AMIGO3: variants seen among roughly 807,000 people sequenced by gnomAD.
AMIGO3 encodes the protein adhesion molecule with Ig like domain 3.
In AMIGO3, 6 loss-of-function variants were observed where a neutral mutation model predicts 4.3. The ratio of observed to expected loss-of-function variants is 1.39; its 90% CI spans 0.76 to 2.75. The LOEUF (loss-of-function observed/expected upper bound fraction) is 2.75, where lower values mean the gene tolerates loss of function less well. AMIGO3 is among the 30% of genes most tolerant of loss of function. AMIGO3 has a pLI of 0.00. For synonymous variants in AMIGO3, 315 were observed against 320.0 expected (o/e 0.98, Z 0.17); for missense variants, 771 against 692.1 (o/e 1.11, Z -1.28).
Position 49,719,255 on chromosome 3 carries a change from T to C in AMIGO3, c.211A>G (p.Asn71Asp), listed in dbSNP as rs2080330773. The C allele has an allele frequency of 6.2e-7, 1 of 1,613,134 alleles. No homozygotes were observed. The highest frequency in any genetic ancestry group is 1.1e-5 in the South Asian group (1 of 91,066). The change falls in exon 1 of 1, where the codon AAC becomes GAC. Residue 71 changes from asparagine to aspartate, a missense_variant. By Grantham distance (23) the Asn-to-Asp change is conservative. Coordinates refer to ENST00000320431, the MANE Select transcript of AMIGO3 (RefSeq NM_198722.3). ...CCGGGGCGCAGGCGCTGGAGCGCGTTGTGGCTCAGGTCGAGGTCCGCAGTA... is the reference window on the plus strand; with the variant it reads ...CCGGGGCGCAGGCGCTGGAGCGCGTCGTGGCTCAGGTCGAGGTCCGCAGTA... ...AATADLDLSH[N>D]ALQRLRPGWL...
rs1214903324 is a variant in AMIGO3, at chr3:49,718,582, G to C, written c.884C>G (p.Ser295Cys). ...GCTGGTGTTGCAGTAAAGCCTCAGG[G>C]ACCGACCCACCAGCGCGTACAGGTG... ...EEHLYALVGRSLRLYCNTSVP... is the reference protein window; with the variant it reads ...EEHLYALVGRCLRLYCNTSVP... The change falls in exon 1 of 1, where the codon TCC becomes TGC. Residue 295 changes from serine (S) to cysteine (C), a missense_variant. Coordinates refer to ENST00000320431, the MANE Select transcript of AMIGO3 (RefSeq NM_198722.3). 8.1e-6 allele frequency: 13 copies of C among 1,613,080 alleles called. No homozygotes were observed. Among genetic ancestry groups the C allele is most frequent in the Non-Finnish European group, 1.1e-5 (13 of 1,179,966 alleles).
Position 49,717,662 on chromosome 3 carries a change from ACAGGG to A in AMIGO3, c.*284_*288del. 3 of 514,252 alleles carry A rather than the reference ACAGGG, an allele frequency of 5.8e-6. No individual in the cohort carries two copies. The highest frequency in any genetic ancestry group is 1.0e-5 in the Non-Finnish European group (3 of 286,102). The allele number at this position is 514,252 out of a possible 1,614,324, so 31.9% of individuals were successfully genotyped here. On this transcript the variant is annotated 3_prime_UTR_variant, in exon 1 of 1. Transcript: ENST00000320431. The stretch of plus-strand genomic sequence containing the variant: ...ACAGGGGCCTGGGTCTCTCAGCCTC[ACAGGG>A]CATTTGGGCACTAGGAAGTCCGCGG...
chr3:49,717,945 G>A lies in AMIGO3; in HGVS notation c.*6C>T, dbSNP rs772371913. 5.0e-6 allele frequency: 8 copies of A among 1,608,760 alleles called. No individual in the cohort carries two copies. The South Asian group carries it at 6.6e-5, about 13-fold the overall frequency. On this transcript the variant is annotated 3_prime_UTR_variant, in exon 1 of 1. Coordinates refer to ENST00000320431, the MANE Select transcript of AMIGO3 (RefSeq NM_198722.3). ...TGGGGGCCTGGGTGGGGGAGCCCTGGGCAGTCTAGGTTGTCATGGGACCCT... is the reference window on the plus strand; with the variant it reads ...TGGGGGCCTGGGTGGGGGAGCCCTGAGCAGTCTAGGTTGTCATGGGACCCT...
rs1434633894 is a variant in AMIGO3, at chr3:49,717,789, T to C, written c.*162A>G. 1.3e-5 allele frequency: 10 copies of C among 773,554 alleles called. No individual in the cohort carries two copies. In the East Asian group the frequency reaches 1.9e-4, roughly 14 times the overall value. 47.9% of individuals were successfully genotyped at this position (773,554 alleles called of 1,614,324 possible). Reference sequence around the variant, plus strand: ...GGTTGGGGACCACAACCCCTGTCTCTACCAGTGAGCGAGAAGGCCCATTGT... The same window carrying C: ...GGTTGGGGACCACAACCCCTGTCTCCACCAGTGAGCGAGAAGGCCCATTGT... On this transcript the variant is annotated 3_prime_UTR_variant, in exon 1 of 1. Transcript: ENST00000320431.
rs1202211633 is a variant in AMIGO3 at position 49,718,092 on chromosome 3, C to T, written c.1374G>A (p.Glu458=). ...ASVHKHVVFL[E]PGRRGLNGRV... is the part of the protein sequence containing the mutation. ...GGCCATTGAGGCCCCTCCGGCCTGG[C>T]TCCAGAAAGACTACGTGCTTGTGGA... Residue 458 remains glutamate, a synonymous_variant, in exon 1 of 1, where the codon GAG becomes GAA. Coordinates refer to ENST00000320431, the MANE Select transcript of AMIGO3 (RefSeq NM_198722.3). 1 of 1,613,508 alleles carries T rather than the reference C, an allele frequency of 6.2e-7. No homozygotes were observed. The highest frequency in any genetic ancestry group is 8.5e-7 in the Non-Finnish European group (1 of 1,180,060).
chr3:49,718,718 C>T lies in AMIGO3; in HGVS notation c.748G>A (p.Val250Ile). 6.2e-7 allele frequency: 1 copy of T among 1,612,946 alleles called. No homozygotes were observed. The highest frequency in any genetic ancestry group is 8.5e-7 in the Non-Finnish European group (1 of 1,179,928). Residue 250 changes from valine to isoleucine, a missense_variant, in exon 1 of 1, where the codon GTA becomes ATA. Val to Ile is a conservative substitution (Grantham distance 29). Coordinates refer to ENST00000320431, the MANE Select transcript of AMIGO3 (RefSeq NM_198722.3). ...SAVRDFAREYVCLAFKVPASR... is the reference protein window; with the variant it reads ...SAVRDFAREYICLAFKVPASR... ...GCGGGTACCTTGAAGGCCAAGCATA[C>T]GTACTCGCGCGCAAAGTCGCGCACG...
At position 49,717,158 on chromosome 3, in the gene AMIGO3, C is replaced by T. The variant is rs1313286274; in HGVS notation, c.*793G>A. 6.5e-6 allele frequency: 1 copy of T among 153,304 alleles called. No homozygotes were observed. The highest frequency in any genetic ancestry group is 1.5e-5 in the Non-Finnish European group (1 of 68,870). 9.5% of individuals were successfully genotyped at this position (153,304 alleles called of 1,614,324 possible). ...AAAAGCAGGGGTGCAGGCCATGATC[C>T]CCTTCACTGTGTCTTGTGAGCCCAC... On this transcript the variant is annotated 3_prime_UTR_variant, in exon 1 of 1. Coordinates refer to ENST00000320431, the MANE Select transcript of AMIGO3 (RefSeq NM_198722.3).
rs2080277808 is a variant in AMIGO3, at chr3:49,717,823, G to T, written c.*128C>A. Reference sequence around the variant, plus strand: ...GCGAGAAGGCCCATTGTGTTTCGAGGCCCATACAGGAAGCTGGGGGGCCAG... The same window carrying T: ...GCGAGAAGGCCCATTGTGTTTCGAGTCCCATACAGGAAGCTGGGGGGCCAG... On this transcript the variant is annotated 3_prime_UTR_variant, in exon 1 of 1. Transcript: ENST00000320431. 9.9e-7 allele frequency: 1 copy of T among 1,012,796 alleles called. No homozygotes were observed. The highest frequency in any genetic ancestry group is 1.4e-6 in the Non-Finnish European group (1 of 700,250). 62.7% of individuals were successfully genotyped at this position (1,012,796 alleles called of 1,614,324 possible).
Position 49,718,354 on chromosome 3 carries a change from A to G in AMIGO3, c.1112T>C (p.Val371Ala), listed in dbSNP as rs753941544. 24 of 1,613,386 alleles carry G rather than the reference A, an allele frequency of 1.5e-5. No homozygotes were observed. In the South Asian group the frequency reaches 2.4e-4, roughly 16 times the overall value. ...CTCGGGCTCTGGGCGCGGAAAGTGC[A>G]CGCTCACGTTGTACTCGTGCGTCTG... Reference protein sequence around the residue: ...HNQTHEYNVSVHFPRPEPEAF... With the variant: ...HNQTHEYNVSAHFPRPEPEAF... Residue 371 changes from valine (V) to alanine (A), a missense_variant, in exon 1 of 1, where the codon GTG (valine) becomes GCG (alanine). Val to Ala is a moderately conservative substitution (Grantham distance 64). Coordinates refer to ENST00000320431, the MANE Select transcript of AMIGO3 (RefSeq NM_198722.3).
Position 49,719,051 on chromosome 3 carries a change from G to A in AMIGO3, c.415C>T (p.Leu139Phe), listed in dbSNP as rs377265906. 1 of 1,613,770 alleles carries A rather than the reference G, an allele frequency of 6.2e-7. No individual in the cohort carries two copies. The highest frequency in any genetic ancestry group is 1.3e-5 in the African/African-American group (1 of 74,950). ...TGCACCAAGCGGTTATTGAACAGAA[G>A]CAGCTTCTCCAGCGCCCCCAGCCCG... ...LDGLGALEKL[L>F]LFNNRLVHLD... The change falls in exon 1 of 1, where the codon CTT (leucine) becomes TTT (phenylalanine). Residue 139 changes from leucine (L) to phenylalanine (F), a missense_variant. By Grantham distance (22) the Leu-to-Phe change is conservative. Coordinates refer to ENST00000320431, the MANE Select transcript of AMIGO3 (RefSeq NM_198722.3).
chr3:49,718,148 G>T lies in AMIGO3; in HGVS notation c.1318C>A (p.Pro440Thr). The T allele has an allele frequency of 6.2e-7, 1 of 1,613,266 alleles. No individual in the cohort carries two copies. Among genetic ancestry groups the T allele is most frequent in the Non-Finnish European group, 8.5e-7 (1 of 1,180,042 alleles). The stretch of plus-strand genomic sequence containing the variant: ...GCCTTGCGGCTGGGTGCGTCTGGCG[G>T]TGTGGTGCTGAGTACTGAGGACTGT... ...SAQSSVLSTT[P>T]PDAPSRKASV... Residue 440 changes from proline to threonine, a missense_variant, in exon 1 of 1, where the codon CCG becomes ACG. Physicochemically the swap from Pro to Thr is conservative, Grantham distance 38. Transcript: ENST00000320431.
At position 49,718,013 on chromosome 3, in the gene AMIGO3, G is replaced by A. The variant is rs1330525662; in HGVS notation, c.1453C>T (p.Gln485Ter). Reference sequence around the variant, plus strand: ...GCGGACTCAGAGCCAGCCTTCAGCTGCAGGCCTCCAGGGTTGTAGAGATCG... The same window carrying A: ...GCGGACTCAGAGCCAGCCTTCAGCTACAGGCCTCCAGGGTTGTAGAGATCG... ...EFDLYNPGGL[Q>*]LKAGSESASS... is the part of the protein sequence containing the mutation. The change falls in exon 1 of 1, where the codon CAG (glutamine) becomes TAG (stop). Residue 485 changes from glutamine to a stop codon, truncating the protein, a stop_gained. Transcript: ENST00000320431. LOFTEE classifies it high-confidence loss of function. 1.9e-6 allele frequency: 3 copies of A among 1,613,680 alleles called. No homozygotes were observed. The highest frequency in any genetic ancestry group is 1.7e-6 in the Non-Finnish European group (2 of 1,180,034).
rs201142400 is a variant in AMIGO3 at position 49,719,151 on chromosome 3, G to A, written c.315C>T (p.Phe105=). The change falls in exon 1 of 1, where the codon TTC becomes TTT. Residue 105 remains phenylalanine (F), a synonymous_variant. Transcript: ENST00000320431. ...NELDALGRGV[F]VNASGLRLLD... ...GCAGCCTCAGGCCGCTGGCGTTGAC[G>A]AAGACGCCGCGACCCAGCGCATCTA... 2 of 1,613,588 alleles carry A rather than the reference G, an allele frequency of 1.2e-6. No homozygotes were observed. Among genetic ancestry groups the A allele is most frequent in the Non-Finnish European group, 1.7e-6 (2 of 1,180,012 alleles).
chr3:49,718,216 C>T lies in AMIGO3; in HGVS notation c.1250G>A (p.Arg417His). The T allele has an allele frequency of 6.2e-7, 1 of 1,610,660 alleles. No homozygotes were observed. Among genetic ancestry groups the T allele is most frequent in the Non-Finnish European group, 8.5e-7 (1 of 1,179,550 alleles). ...CGGGCTGGGTGTTTGGGGCCAGCGG[C>T]GGCAGCGGCAGGCACGGCGGCAGCA... is the stretch of plus-strand genomic sequence containing the variant. ...CRCCRRACRCRRWPQTPSPLQ... is the reference protein window; with the variant it reads ...CRCCRRACRCHRWPQTPSPLQ... Residue 417 changes from arginine (R) to histidine (H), a missense_variant, in exon 1 of 1, where the codon CGC (arginine) becomes CAC (histidine). Coordinates refer to ENST00000320431, the MANE Select transcript of AMIGO3 (RefSeq NM_198722.3).
rs748825526 is a variant in AMIGO3, at chr3:49,718,469, C to T, written c.997G>A (p.Ala333Thr). 1 of 1,612,880 alleles carries T rather than the reference C, an allele frequency of 6.2e-7. No homozygotes were observed. The highest frequency in any genetic ancestry group is 2.2e-5 in the East Asian group (1 of 44,884). ...GSRDGSIAVL[A>T]DGSLAIGNVQ... ...TTGCCTATGGCCAAGCTGCCGTCGG[C>T]CAGCACCGCGATGCTGCCATCGCGG... Residue 333 changes from alanine (A) to threonine (T), a missense_variant, in exon 1 of 1, where the codon GCC (alanine) becomes ACC (threonine). By Grantham distance (58) the Ala-to-Thr change is moderately conservative (BLOSUM62 0). Transcript: ENST00000320431.
Position 49,719,477 on chromosome 3 carries a change from C to T in AMIGO3, c.-12G>A, listed in dbSNP as rs774468868. On this transcript the variant is annotated 5_prime_UTR_variant, in exon 1 of 1. It adds an upstream start codon to the 5' untranslated region. Transcript: ENST00000320431. Reference sequence around the variant, plus strand: ...ACCAACCAGGTCATGGCGGCGACCACCAGGGACAGTACAGAGCAGCTCTGT... The same window carrying T: ...ACCAACCAGGTCATGGCGGCGACCATCAGGGACAGTACAGAGCAGCTCTGT... The T allele has an allele frequency of 8.1e-6, 13 of 1,604,868 alleles. No homozygotes were observed. The African/African-American group carries it at 1.6e-4, about 20-fold the overall frequency.
chr3:49,719,225 A>G lies in AMIGO3; in HGVS notation c.241T>C (p.Leu81=). Reference sequence around the variant, plus strand: ...GCGCGCAGCTGGAAGAGGGGCGCCAACCAGCCGGGGCGCAGGCGCTGGAGC... The same window carrying G: ...GCGCGCAGCTGGAAGAGGGGCGCCAGCCAGCCGGGGCGCAGGCGCTGGAGC... ...NALQRLRPGW[L]APLFQLRALH... Residue 81 remains leucine, a synonymous_variant, in exon 1 of 1, where the codon TTG becomes CTG. Transcript: ENST00000320431. 1 of 1,613,116 alleles carries G rather than the reference A, an allele frequency of 6.2e-7. No homozygotes were observed.
In AMIGO3 at chr3:49,719,411, C is replaced by G. The variant is rs1392023884; in HGVS notation, c.55G>C (p.Gly19Arg). 1 of 1,613,654 alleles carries G rather than the reference C, an allele frequency of 6.2e-7. No individual in the cohort carries two copies. Among genetic ancestry groups the G allele is most frequent in the Non-Finnish European group, 8.5e-7 (1 of 1,180,026 alleles). Residue 19 changes from glycine to arginine, a missense_variant, in exon 1 of 1, where the codon GGC becomes CGC. By Grantham distance (125) the Gly-to-Arg change is moderately radical. Transcript: ENST00000320431. ...GGGAAACCCTCGGAGTCCGGGGTGCCTAACCCAACGCGCAGCATGCAGAGC... is the reference window on the plus strand; with the variant it reads ...GGGAAACCCTCGGAGTCCGGGGTGCGTAACCCAACGCGCAGCATGCAGAGC... ...TLLCMLRVGLGTPDSEGFPPR... is the reference protein window; with the variant it reads ...TLLCMLRVGLRTPDSEGFPPR...
rs1483602978 is a variant in AMIGO3 at position 49,718,062 on chromosome 3, C to T, written c.1404G>A (p.Val468=). 6.2e-7 allele frequency: 1 copy of T among 1,613,546 alleles called. No homozygotes were observed. Among genetic ancestry groups the T allele is most frequent in the Non-Finnish European group, 8.5e-7 (1 of 1,180,058 alleles). ...CGAATTCCTCAGCTACTGCCAGCTG[C>T]ACGCGGCCATTGAGGCCCCTCCGGC... ...EPGRRGLNGR[V]QLAVAEEFDL... The change falls in exon 1 of 1, where the codon GTG becomes GTA. Residue 468 remains valine (V), a synonymous_variant. Transcript: ENST00000320431.
Sources: gnomAD v4.1 joint callset for allele counts on GRCh38, gnomAD v4.1.1 for gene constraint, MANE v1.5 for transcripts, NCBI Gene and HGNC (gene_info 2026-07-23, HGNC 2026-07-21) for gene names.